Variants in POU6F2 observed in about 807,000 individuals in gnomAD.
POU6F2 encodes POU domain, class 6, transcription factor 2.
POU6F2 carries 31 observed loss-of-function variants against 71.3 expected under a neutral mutation model. The ratio of observed to expected loss-of-function variants is 0.43; its 90% confidence interval spans 0.33 to 0.59. The LOEUF is 0.59. Among genes scored for constraint, POU6F2 ranks in the 20% least tolerant of loss-of-function variants. The pLI is 0.04. For missense variants in POU6F2, 783 were observed against 856.8 expected (o/e 0.91, Z 1.07); for synonymous variants, 347 against 355.7 (o/e 0.98, Z 0.27).
chr7:39,451,778 C>G, intron 8 of POU6F2, 77 bp downstream of exon 8: 1 of 1,429,600 alleles, frequency 7.0e-7, no homozygotes, highest in Non-Finnish European at 9.6e-7. Flanking sequence ...CTTCTTGTCT[C>G]TCTCTCACTC....
intron 2 of POU6F2, among the ~76,000 whole-genome samples, chr7:39,191,100 C>T (rs1304457025): frequency 6.6e-6 from 1 of 152,186 alleles, no homozygotes; most frequent in African/African-American, 2.4e-5. Flanking sequence ...AGCCCATTGA[C>T]TAATGAGTAC....
intron 4 of POU6F2, among the ~76,000 whole-genome samples, chr7:39,312,284 GT>G (rs1312323566): frequency 4.6e-5 from 7 of 152,324 alleles, no homozygotes; most frequent in Admixed American, 2.0e-4. Context: ...TATAAGGCAT[GT>G]TTTGGTACTG....
At chr7:39,355,663 A>ACCACCCAG (rs2115687987) in intron 5 of POU6F2, among the ~76,000 whole-genome samples, 1 of 152,198 alleles carries the variant, frequency 6.6e-6, no homozygotes, top group African/African-American at 2.4e-5. Context: ...AGAAATGCCC[A>ACCACCCAG]CCACCCAGCC....
At chr7:39,037,328 C>G (rs1790088423) in intron 1 of POU6F2, among the ~76,000 whole-genome samples, 2 of 151,802 alleles carry the variant, frequency 1.3e-5, no homozygotes. Flanking sequence ...TTAAAGTGTC[C>G]TCTTAGCTGC....
chr7:38,981,006 T>C lies in POU6F2; in HGVS notation c.105+2948T>C, dbSNP rs368684824. 1.1e-3 allele frequency among the ~76,000 whole-genome samples: 175 copies of C among 152,330 alleles called. 4 individuals carry two copies. In the South Asian group the frequency reaches 0.035, roughly 30 times the overall value. On this transcript the variant is annotated intron_variant, in intron 1 of 9. Transcript: ENST00000518318. Reference sequence around the variant, plus strand: ...GCAAGCAATTAAGCAGTCTAGTACTTGGAAGAACAAACTCCCTGCCTAGTA... The same window carrying C: ...GCAAGCAATTAAGCAGTCTAGTACTCGGAAGAACAAACTCCCTGCCTAGTA...
At chr7:39,161,403 G>T (rs1282313246) in intron 2 of POU6F2, among the ~76,000 whole-genome samples, 1 of 152,168 alleles carries the variant, frequency 6.6e-6, no homozygotes, top group East Asian at 1.9e-4. Flanking sequence ...TTTCTGCAAA[G>T]GTCAGTAGAA....
At chr7:38,994,915 C>T (rs1788696582) in intron 1 of POU6F2, among the ~76,000 whole-genome samples, 1 of 152,194 alleles carries the variant, frequency 6.6e-6, no homozygotes, top group African/African-American at 2.4e-5. Flanking sequence ...TGCCATCTTA[C>T]TTCCCCAGTC....
At chr7:39,285,449 G>A (rs1784635176) in intron 4 of POU6F2, among the ~76,000 whole-genome samples, 1 of 152,164 alleles carries the variant, frequency 6.6e-6, no homozygotes, top group South Asian at 2.1e-4. Flanking sequence ...TTGAATGTGT[G>A]GTTTGTTTCC....
At chr7:39,147,433 G>T (rs1421290807) in intron 2 of POU6F2, among the ~76,000 whole-genome samples, 2 of 152,074 alleles carry the variant, frequency 1.3e-5, no homozygotes, top group African/African-American at 4.8e-5. Flanking sequence ...AAAAGATTCT[G>T]GAAAAATACA....
At chr7:39,313,379 C>T (rs1163526709) in intron 4 of POU6F2, among the ~76,000 whole-genome samples, 1 of 152,066 alleles carries the variant, frequency 6.6e-6, no homozygotes, top group East Asian at 1.9e-4. Context: ...TTTCTCTTCT[C>T]TGCTTGATTT....
At chr7:39,380,771 G>A (rs1786811680) in intron 5 of POU6F2, among the ~76,000 whole-genome samples, 1 of 152,138 alleles carries the variant, frequency 6.6e-6, no homozygotes, top group South Asian at 2.1e-4. Context: ...TCCCTTCTTG[G>A]TTCTCTTCAC....
rs1789022424 is a variant in POU6F2 at position 39,464,468 on chromosome 7, G to C, written c.1945G>C (p.Glu649Gln). The C allele has an allele frequency of 6.2e-7, 1 of 1,613,824 alleles. No individual in the cohort carries two copies. Among genetic ancestry groups the C allele is most frequent in the African/African-American group, 1.3e-5 (1 of 74,932 alleles). The change falls in exon 10 of 10, where the codon GAG (glutamate) becomes CAG (glutamine). Residue 649 changes from glutamate to glutamine, a missense_variant. By Grantham distance (29) the Glu-to-Gln change is conservative. This residue lies in a region of POU6F2 where 211 missense variants were observed against 283.9 expected (regional missense o/e 0.74). Transcript: ENST00000518318. This position sits in a 1 kb window ranked among gnomAD's most constrained non-coding sequence, Gnocchi z 4.1. ...CACCTCCTTCACACCCCAGGCCCTT[G>C]AGATCCTCAATGCCCACTTTGAGAA... is the stretch of plus-strand genomic sequence containing the variant. The part of the protein sequence containing the change: ...RRTSFTPQAL[E>Q]ILNAHFEKNT...
intron 6 of POU6F2, among the ~76,000 whole-genome samples, chr7:39,423,397 C>G (rs558318517): frequency 1.4e-4 from 22 of 152,256 alleles, no homozygotes; most frequent in Admixed American, 3.9e-4. Context: ...TCCTGGTCTT[C>G]TATAGTGGGA....
At chr7:38,997,135 C>A (rs578222058) in intron 1 of POU6F2, among the ~76,000 whole-genome samples, 16 of 150,160 alleles carry the variant, frequency 1.1e-4, no homozygotes, top group African/African-American at 3.4e-4. Flanking sequence ...GGAGAAGAAC[C>A]CAGATTTCCA....
chr7:39,004,483 G>A (rs747393257), intron 1 of POU6F2, among the ~76,000 whole-genome samples: 4 of 152,158 alleles, frequency 2.6e-5, no homozygotes, highest in South Asian at 2.1e-4. Flanking sequence ...TAAGCTCCAG[G>A]ACAAGCCCAG....
intron 1 of POU6F2, among the ~76,000 whole-genome samples, chr7:39,055,994 A>T (rs1171009028): frequency 6.9e-6 from 1 of 145,524 alleles, no homozygotes; most frequent in East Asian, 1.9e-4. Flanking sequence ...CTCATCTATC[A>T]ATATCTCTTT....
intron 5 of POU6F2, among the ~76,000 whole-genome samples, chr7:39,351,088 C>T (rs1786131845): frequency 6.6e-6 from 1 of 152,212 alleles, no homozygotes; most frequent in Non-Finnish European, 1.5e-5. Flanking sequence ...TTTAAACTTT[C>T]CAGGAGACTC....
chr7:39,150,571 A>T (rs1007507454), intron 2 of POU6F2, among the ~76,000 whole-genome samples: 1 of 144,690 alleles, frequency 6.9e-6, no homozygotes, highest in Non-Finnish European at 1.5e-5. Context: ...GGTTCCAGTG[A>T]TTCTCCTGCC....
chr7:39,338,926 T>C (rs1165420723), intron 4 of POU6F2, among the ~76,000 whole-genome samples: 1 of 152,210 alleles, frequency 6.6e-6, no homozygotes, highest in Non-Finnish European at 1.5e-5. Context: ...TGTCCTGTCC[T>C]CAGGTGCTGA....
Sources: allele counts gnomAD v4.1 joint callset (sites outside exome capture counted in the v4.1 genomes callset), GRCh38; gene constraint gnomAD v4.1.1; regional missense constraint gnomAD v4.1.1; non-coding constraint Gnocchi (gnomAD v3.1); transcripts MANE v1.5; gene names NCBI Gene and HGNC (gene_info 2026-07-23, HGNC 2026-07-21).